The following R3HCC1L variants were observed in gnomAD, a reference collection of about 807,000 sequenced individuals.
R3HCC1L encodes coiled-coil domain-containing protein R3HCC1L.
Under a neutral mutation model 59.9 loss-of-function variants are expected in R3HCC1L, and 51 were observed. The ratio of observed to expected loss-of-function variants is 0.85; its 90% CI spans 0.68 to 1.07. The LOEUF (loss-of-function observed/expected upper bound fraction) is 1.07, where lower values mean the gene tolerates loss of function less well. R3HCC1L is among the 50% of genes least tolerant of loss of function. The pLI, the probability that R3HCC1L is intolerant of heterozygous loss-of-function variation, is 0.00. For synonymous variants in R3HCC1L, 322 were observed against 315.2 expected (o/e 1.02, Z -0.23); for missense variants, 965 against 933.0 (o/e 1.03, Z -0.45).
intron 5 of R3HCC1L, among the ~76,000 whole-genome samples, chr10:98,225,234 T>G (rs753065834): frequency 6.6e-6 from 1 of 152,196 alleles, no homozygotes; most frequent in African/African-American, 2.4e-5. Context: ...TTGTAGAGCT[T>G]TTTCTTAAAG....
At chr10:98,158,830 TG>T (rs1442946954) in intron 2 of R3HCC1L, among the ~76,000 whole-genome samples, 1 of 150,644 alleles carries the variant, frequency 6.6e-6, no homozygotes, top group Non-Finnish European at 1.5e-5. Context: ...TTTTTGGAGA[TG>T]GGGGTCTCAC....
chr10:98,203,637 A>G (rs917167420), intron 4 of R3HCC1L, among the ~76,000 whole-genome samples: 9 of 152,218 alleles, frequency 5.9e-5, no homozygotes, highest in East Asian at 1.9e-4. Context: ...TTGATTGAAG[A>G]GGGATCCATA....
intron 4 of R3HCC1L, among the ~76,000 whole-genome samples, chr10:98,193,957 G>A (rs1259554856): frequency 1.3e-5 from 2 of 152,036 alleles, no homozygotes; most frequent in African/African-American, 2.4e-5. Flanking sequence ...TCCTTACAGC[G>A]TTTTTTGCAG....
chr10:98,235,492 AGCCAAG>A lies in R3HCC1L; in HGVS notation c.2106_2111del (p.Lys704_Ala705del). ...GTCCCTTGTCACAGGCCACAAGAGC[AGCCAAG>A]GCCAAAGCTAGAGCTTATGCTGGTG... On this transcript the variant is annotated inframe_deletion, in exon 8 of 10. Transcript: ENST00000298999. 1 of 1,613,562 alleles carries A rather than the reference AGCCAAG, an allele frequency of 6.2e-7. No individual in the cohort carries two copies. Among genetic ancestry groups the A allele is most frequent in the Non-Finnish European group, 8.5e-7 (1 of 1,179,654 alleles).
intron 5 of R3HCC1L, among the ~76,000 whole-genome samples, chr10:98,214,709 A>G (rs143510691): frequency 9.8e-4 from 150 of 152,312 alleles, no homozygotes; most frequent in African/African-American, 3.1e-3. Flanking sequence ...TCTTATTCCT[A>G]TCTTCCAAGA....
chr10:98,199,687 A>G (rs1218964560), intron 4 of R3HCC1L, among the ~76,000 whole-genome samples: 1 of 152,054 alleles, frequency 6.6e-6, no homozygotes, highest in Non-Finnish European at 1.5e-5. Context: ...AATACCTCTT[A>G]AAAGTAAACC....
chr10:98,191,929 A>G (rs1264305947), intron 4 of R3HCC1L, among the ~76,000 whole-genome samples: 5 of 152,116 alleles, frequency 3.3e-5, no homozygotes, highest in Admixed American at 6.5e-5. Flanking sequence ...GGTTCAAGCA[A>G]TTCTTCTACT....
chr10:98,222,360 A>T (rs562814887), intron 5 of R3HCC1L, among the ~76,000 whole-genome samples: 2 of 152,008 alleles, frequency 1.3e-5, no homozygotes, highest in African/African-American at 2.4e-5. Flanking sequence ...TCCTAATTGA[A>T]TACCCTTTAT....
intron 4 of R3HCC1L, among the ~76,000 whole-genome samples, chr10:98,185,217 C>A (rs931152558): frequency 2.0e-5 from 3 of 152,018 alleles, no homozygotes; most frequent in Non-Finnish European, 2.9e-5. Flanking sequence ...TTTGTTTGTT[C>A]ATTTATTCAA....
At chr10:98,216,942 A>G (rs1215909991) in intron 5 of R3HCC1L, among the ~76,000 whole-genome samples, 1 of 152,132 alleles carries the variant, frequency 6.6e-6, no homozygotes, top group Non-Finnish European at 1.5e-5. Flanking sequence ...TGTACATTTT[A>G]TTCATTCTAT....
chr10:98,198,190 G>C (rs1262641212), intron 4 of R3HCC1L, among the ~76,000 whole-genome samples: 1 of 152,050 alleles, frequency 6.6e-6, no homozygotes, highest in Non-Finnish European at 1.5e-5. Context: ...GAGGAGAGCA[G>C]TGAATTTTTT....
At chr10:98,175,520 T>G (rs1848921521) in intron 4 of R3HCC1L, among the ~76,000 whole-genome samples, 1 of 152,190 alleles carries the variant, frequency 6.6e-6, no homozygotes, top group South Asian at 2.1e-4. Flanking sequence ...GTTTTCTGTC[T>G]CTACAGTTTT....
In R3HCC1L at chr10:98,214,872, A is replaced by G. The variant is rs575450316; in HGVS notation, c.1785+4973A>G. On this transcript the variant is annotated intron_variant, in intron 5 of 9. Transcript: ENST00000298999. Reference sequence around the variant, plus strand: ...GAAAATAAGTCTCATTAGTTCTACAAGACTATCAACTCCTTAAACATTGAT... The same window carrying G: ...GAAAATAAGTCTCATTAGTTCTACAGGACTATCAACTCCTTAAACATTGAT... Among the ~76,000 whole-genome samples, 4 of 152,354 alleles carry G rather than the reference A, an allele frequency of 2.6e-5. No individual in the cohort carries two copies. In the East Asian group the frequency reaches 7.7e-4, roughly 29 times the overall value.
At position 98,208,159 on chromosome 10, in the gene R3HCC1L, T is replaced by A; in HGVS notation, c.45T>A (p.Pro15=). 6.2e-7 allele frequency: 1 copy of A among 1,613,834 alleles called. No individual in the cohort carries two copies. Among genetic ancestry groups the A allele is most frequent in the Non-Finnish European group, 8.5e-7 (1 of 1,179,952 alleles). ...SERCRVRARR[P]DMALYVPKAR... ...GATGCAGAGTTAGAGCCAGAAGGCC[T>A]GACATGGCACTTTATGTACCTAAAG... Residue 15 remains proline (P), a synonymous_variant, in exon 5 of 10, where the codon CCT becomes CCA. Transcript: ENST00000298999.
At position 98,208,897 on chromosome 10, in the gene R3HCC1L, C is replaced by T. The variant is rs772469875; in HGVS notation, c.783C>T (p.Ser261=). The stretch of plus-strand genomic sequence containing the variant: ...CAGATGGAATATTGAATCCCAGCAG[C>T]GGAGGCATCACCACTACTTCTGTTC... The part of the protein sequence containing the change: ...QTSDGILNPS[S]GGITTTSVPG... Residue 261 remains serine, a synonymous_variant, in exon 5 of 10, where the codon AGC becomes AGT. Transcript: ENST00000298999. 13 of 1,613,974 alleles carry T rather than the reference C, an allele frequency of 8.1e-6. No individual in the cohort carries two copies. The highest frequency in any genetic ancestry group is 4.5e-5 in the East Asian group (2 of 44,868).
At position 98,156,417 on chromosome 10, in the gene R3HCC1L, C is replaced by T. The variant is rs181879025; in HGVS notation, c.-213+270C>T. Among the ~76,000 whole-genome samples the T allele has an allele frequency of 1.3e-4, 20 of 152,242 alleles. No individual in the cohort carries two copies. The East Asian group carries it at 1.3e-3, about 10-fold the overall frequency. ...ACAGTTACCATCCTAGAGTCCCATT[C>T]GCTGGTATTCCTTCACTTCTCTCTT... On this transcript the variant is annotated intron_variant, in intron 2 of 9. Coordinates refer to ENST00000298999, the MANE Select transcript of R3HCC1L (RefSeq NM_001351015.2).
At position 98,223,591 on chromosome 10, in the gene R3HCC1L, A is replaced by T. The variant is rs1385269731; in HGVS notation, c.1786-7921A>T. Among the ~76,000 whole-genome samples, 4 of 151,602 alleles carry T rather than the reference A, an allele frequency of 2.6e-5. 1 individual carries two copies. Among genetic ancestry groups the T allele is most frequent in the Non-Finnish European group, 5.9e-5 (4 of 67,950 alleles). On this transcript the variant is annotated intron_variant, in intron 5 of 9. Transcript: ENST00000298999. ...GGTTGGGTCAGGCACTTTGGTTTTG[A>T]TTCTGGGTGGGTAAAGTAGCATAGT...
chr10:98,220,878 C>G (rs1468165405), intron 5 of R3HCC1L, among the ~76,000 whole-genome samples: 3 of 145,862 alleles, frequency 2.1e-5, no homozygotes, highest in Non-Finnish European at 4.6e-5. Context: ...ATTTATAGTC[C>G]TTTGGGTATA....
intron 4 of R3HCC1L, among the ~76,000 whole-genome samples, chr10:98,207,354 T>TG (rs1160484722): frequency 6.6e-6 from 1 of 152,228 alleles, no homozygotes; most frequent in Non-Finnish European, 1.5e-5. Context: ...TATTTCTTCT[T>TG]GTTAAATTCC....
Sources: gnomAD v4.1 joint callset for allele counts (sites outside exome capture counted in the v4.1 genomes callset) on GRCh38, gnomAD v4.1.1 for gene constraint, MANE v1.5 for transcripts, NCBI Gene and HGNC (gene_info 2026-07-23, HGNC 2026-07-21) for gene names.